The following CFAP299 variants were observed in gnomAD, a reference collection of about 807,000 sequenced individuals.
The protein encoded by CFAP299 is cilia- and flagella-associated protein 299.
Under a neutral mutation model 27.0 loss-of-function variants are expected in CFAP299, and 21 were observed. The ratio of observed to expected loss-of-function variants is 0.78; its 90% CI spans 0.55 to 1.12. CFAP299 has a LOEUF of 1.12. CFAP299 is among the 50% of genes most tolerant of loss of function. The pLI, the probability that CFAP299 is intolerant of heterozygous loss-of-function variation, is 0.00. For missense variants in CFAP299, 310 were observed against 276.6 expected, an observed-to-expected ratio of 1.12 and a Z score of -0.86; for synonymous variants, 104 against 98.1, an observed-to-expected ratio of 1.06 and a Z score of -0.36.
chr4:80,944,919 A>G lies in CFAP299; in HGVS notation c.586A>G (p.Ile196Val). The part of the protein sequence containing the change: ...LLFRYKRDRK[I>V]LNVDPKAQPG... ...TTTCAGATACAAAAGAGACAGAAAAATTCTTAATGTGGACCCAAAGGTAAT... is the reference window on the plus strand; with the variant it reads ...TTTCAGATACAAAAGAGACAGAAAAGTTCTTAATGTGGACCCAAAGGTAAT... The change falls in exon 5 of 6, where the codon ATT becomes GTT. Residue 196 changes from isoleucine (I) to valine (V), a missense_variant. Coordinates refer to ENST00000358105, the MANE Select transcript of CFAP299 (RefSeq NM_152770.3). The G allele has an allele frequency of 6.2e-7, 1 of 1,612,878 alleles. No individual in the cohort carries two copies. Among genetic ancestry groups the G allele is most frequent in the Non-Finnish European group, 8.5e-7 (1 of 1,179,262 alleles).
chr4:80,817,949 A>T (rs1560427663), intron 3 of CFAP299, among the ~76,000 whole-genome samples: 1 of 151,898 alleles, frequency 6.6e-6, no homozygotes, highest in Non-Finnish European at 1.5e-5. Flanking sequence ...ATGCCTAGGT[A>T]TTAAGCCCAG....
chr4:80,648,905 A>G (rs1029554266), intron 3 of CFAP299: 6 of 152,166 alleles, frequency 3.9e-5, no homozygotes, highest in African/African-American at 1.2e-4. Flanking sequence ...TTTAGGGTAT[A>G]CAAAAATGGT....
intron 1 of CFAP299, among the ~76,000 whole-genome samples, chr4:80,341,007 C>T (rs1271678677): frequency 1.3e-5 from 2 of 152,112 alleles, no homozygotes; most frequent in Non-Finnish European, 2.9e-5. Flanking sequence ...AACTCCTGAC[C>T]TCAGGTGATC....
chr4:80,349,293 A>T (rs1227252528), intron 1 of CFAP299, among the ~76,000 whole-genome samples: 1 of 152,220 alleles, frequency 6.6e-6, no homozygotes, highest in Non-Finnish European at 1.5e-5. Flanking sequence ...TCACCCTGAC[A>T]TGTAACTATC....
rs76906289 is a variant in CFAP299, at chr4:80,770,421, T to C, written c.334-99572T>C. Among the ~76,000 whole-genome samples, 327 of 150,494 alleles carry C rather than the reference T, an allele frequency of 2.2e-3. 7 individuals are homozygous for C. In the East Asian group the frequency reaches 0.058, roughly 27 times the overall value. The stretch of plus-strand genomic sequence containing the variant: ...CTCCTTAACTATATATACAAGTTTA[T>C]GGACTGAAAGCTGTGTTTTCTACAT... On this transcript the variant is annotated intron_variant, in intron 3 of 5. Coordinates refer to ENST00000358105, the MANE Select transcript of CFAP299 (RefSeq NM_152770.3).
intron 2 of CFAP299, among the ~76,000 whole-genome samples, chr4:80,541,790 C>T (rs976152571): frequency 2.0e-5 from 3 of 151,826 alleles, no homozygotes; most frequent in African/African-American, 7.3e-5. Context: ...GTTATAAGTG[C>T]TATAAAGAAA....
intron 3 of CFAP299, among the ~76,000 whole-genome samples, chr4:80,788,981 A>G (rs1436863902): frequency 6.6e-6 from 1 of 152,070 alleles, no homozygotes; most frequent in Non-Finnish European, 1.5e-5. Flanking sequence ...CATCTCCCAT[A>G]TCTGCTCTCT....
In CFAP299 at chr4:80,609,225, A is replaced by G. The variant is rs189661534; in HGVS notation, c.333+26042A>G. Among the ~76,000 whole-genome samples the G allele has an allele frequency of 5.0e-3, 767 of 152,242 alleles. 5 individuals carry two copies. The highest frequency in any genetic ancestry group is 0.02 in the Middle Eastern group (6 of 294). On this transcript the variant is annotated intron_variant, in intron 3 of 5. Coordinates refer to ENST00000358105, the MANE Select transcript of CFAP299 (RefSeq NM_152770.3). Reference sequence around the variant, plus strand: ...GGTTAAATAATGTGACTTTGTAAACAGGAATATTGCCTTGTGTGTAATTAC... The same window carrying G: ...GGTTAAATAATGTGACTTTGTAAACGGGAATATTGCCTTGTGTGTAATTAC...
chr4:80,701,038 C>T (rs1009922227), intron 3 of CFAP299, among the ~76,000 whole-genome samples: 2 of 152,036 alleles, frequency 1.3e-5, no homozygotes, highest in South Asian at 2.1e-4. Flanking sequence ...TAAGCTGGAG[C>T]GGGTGGCCTT....
At chr4:80,411,263 A>G (rs1413228720) in intron 2 of CFAP299, among the ~76,000 whole-genome samples, 2 of 152,178 alleles carry the variant, frequency 1.3e-5, no homozygotes, top group African/African-American at 4.8e-5. Context: ...CTTAAATTTT[A>G]GAGGAAATTT....
intron 3 of CFAP299, among the ~76,000 whole-genome samples, chr4:80,681,238 G>A (rs1424821863): frequency 6.6e-6 from 1 of 152,106 alleles, no homozygotes; most frequent in Non-Finnish European, 1.5e-5. Flanking sequence ...TGTACTATAT[G>A]TATCCCCTCC....
intron 2 of CFAP299, chr4:80,386,067 C>T: frequency 2.3e-6 from 1 of 440,308 alleles, no homozygotes; most frequent in Non-Finnish European, 4.0e-6. Flanking sequence ...GGATTTCTGC[C>T]AATGGCTCGA....
chr4:80,483,268 C>T (rs973745784), intron 2 of CFAP299, among the ~76,000 whole-genome samples: 1 of 152,296 alleles, frequency 6.6e-6, no homozygotes, highest in Admixed American at 6.5e-5. Context: ...GATTTTCTCA[C>T]AGAATCTTAA....
At chr4:80,860,737 G>A (rs1394831712) in intron 3 of CFAP299, among the ~76,000 whole-genome samples, 11 of 152,148 alleles carry the variant, frequency 7.2e-5, no homozygotes, top group Non-Finnish European at 1.5e-4. Context: ...TTCATGAACC[G>A]CGAATGTTGC....
chr4:80,419,135 G>C (rs1727163505), intron 2 of CFAP299, among the ~76,000 whole-genome samples: 1 of 152,186 alleles, frequency 6.6e-6, no homozygotes, highest in South Asian at 2.1e-4. Flanking sequence ...TTTAGAGCAA[G>C]AGCGAAAGTT....
chr4:80,709,384 T>C (rs1722008330), intron 3 of CFAP299, among the ~76,000 whole-genome samples: 1 of 152,176 alleles, frequency 6.6e-6, no homozygotes, highest in African/African-American at 2.4e-5. Context: ...ATGTAAATAA[T>C]CTGGATTAAA....
intron 1 of CFAP299, among the ~76,000 whole-genome samples, chr4:80,349,766 A>G (rs536712664): frequency 1.3e-5 from 2 of 152,358 alleles, no homozygotes; most frequent in South Asian, 2.1e-4. Context: ...AAACACTTAT[A>G]GGAAACGTCA....
At chr4:80,774,272 C>T (rs1290068564) in intron 3 of CFAP299, among the ~76,000 whole-genome samples, 2 of 151,804 alleles carry the variant, frequency 1.3e-5, no homozygotes, top group Non-Finnish European at 2.9e-5. Flanking sequence ...ACCCTGAAGT[C>T]ACCAAAACTT....
intron 4 of CFAP299, chr4:80,871,082 T>C (rs1398864631): frequency 2.0e-6 from 1 of 488,942 alleles, no homozygotes; most frequent in Non-Finnish European, 2.7e-6. Context: ...ACTTTTTGTA[T>C]TTTTAGTAGA....
Sources: gnomAD v4.1 joint callset for allele counts (sites outside exome capture counted in the v4.1 genomes callset) on GRCh38, gnomAD v4.1.1 for gene constraint, MANE v1.5 for transcripts, NCBI Gene and HGNC (gene_info 2026-07-23, HGNC 2026-07-21) for gene names.